CD86: variants seen among roughly 807,000 people sequenced by gnomAD.
The protein encoded by CD86 is CD86 molecule.
CD86 carries 11 observed loss-of-function variants against 32.1 expected under a neutral mutation model. The observed-to-expected ratio is 0.34, with a 90% CI of 0.22 to 0.57. The LOEUF is 0.57. CD86 is among the 20% of genes least tolerant of loss of function. CD86 has a pLI of 0.86. For synonymous variants in CD86, 137 were observed against 135.3 expected (o/e 1.01, Z -0.09); for missense variants, 359 against 398.4 (o/e 0.90, Z 0.84).
At position 122,075,740 on chromosome 3, in the gene CD86, A is replaced by G. The variant is rs561640496; in HGVS notation, c.15-15861A>G. On this transcript the variant is annotated intron_variant, in intron 1 of 6. Coordinates refer to ENST00000330540, the MANE Select transcript of CD86 (RefSeq NM_175862.5). The stretch of plus-strand genomic sequence containing the variant: ...CCTCATTTCTGCTGCCTGCCTCACC[A>G]TTCATCTCTCTTTACTCCTTTTAAT... 3.3e-5 allele frequency among the ~76,000 whole-genome samples: 5 copies of G among 152,278 alleles called. No homozygotes were observed. In the East Asian group the frequency reaches 7.7e-4, roughly 23 times the overall value.
intron 1 of CD86, among the ~76,000 whole-genome samples, chr3:122,085,228 G>C (rs539828954): frequency 6.6e-6 from 1 of 152,152 alleles, no homozygotes; most frequent in Non-Finnish European, 1.5e-5. Flanking sequence ...TTGCTGTCAC[G>C]TATATCATAA....
At chr3:122,116,186 T>C (rs1233658653) in intron 5 of CD86, among the ~76,000 whole-genome samples, 1 of 152,234 alleles carries the variant, frequency 6.6e-6, no homozygotes, top group Non-Finnish European at 1.5e-5. Flanking sequence ...TCTTTGACTT[T>C]GTTTAAAAAA....
At chr3:122,059,166 G>A (rs1385369090) in intron 1 of CD86, among the ~76,000 whole-genome samples, 2 of 152,154 alleles carry the variant, frequency 1.3e-5, no homozygotes, top group African/African-American at 4.8e-5. Context: ...TCAAAAAAGA[G>A]GGATGGCCTG....
intron 1 of CD86, among the ~76,000 whole-genome samples, chr3:122,077,161 A>G (rs2072566690): frequency 6.6e-6 from 1 of 152,188 alleles, no homozygotes; most frequent in Non-Finnish European, 1.5e-5. Context: ...CACTGAGCAG[A>G]GGACTTTGCA....
chr3:122,080,089 C>T (rs1032904562), intron 1 of CD86, among the ~76,000 whole-genome samples: 2 of 152,020 alleles, frequency 1.3e-5, no homozygotes, highest in African/African-American at 4.8e-5. Context: ...AGTTGTGGCC[C>T]TGAAATGTTG....
At chr3:122,118,583 AC>A (rs149494924) in intron 6 of CD86, among the ~76,000 whole-genome samples, 1,630 of 151,998 alleles carry the variant, frequency 0.011, 11 homozygotes, top group Non-Finnish European at 0.016. Flanking sequence ...TTTCTTAAAA[AC>A]CCTTTCCCAA....
intron 5 of CD86, among the ~76,000 whole-genome samples, chr3:122,109,685 C>A (rs1386373541): frequency 6.6e-6 from 1 of 152,146 alleles, no homozygotes; most frequent in African/African-American, 2.4e-5. Flanking sequence ...CTTTATCTAC[C>A]TCACTTCATG....
At chr3:122,082,924 G>A (rs535561143) in intron 1 of CD86, among the ~76,000 whole-genome samples, 3 of 152,260 alleles carry the variant, frequency 2.0e-5, no homozygotes, top group Non-Finnish European at 4.4e-5. Context: ...CATCCACTGT[G>A]GGATCAGTCT....
chr3:122,106,023 T>A (rs1220004526), intron 3 of CD86, among the ~76,000 whole-genome samples, 175 bp from the exon 4 acceptor site: 1 of 152,032 alleles, frequency 6.6e-6, no homozygotes, highest in Admixed American at 6.6e-5. Flanking sequence ...TGTTGAAAAA[T>A]AAACATGAAG....
chr3:122,097,493 G>C (rs1175807344), intron 2 of CD86, among the ~76,000 whole-genome samples: 1 of 152,218 alleles, frequency 6.6e-6, no homozygotes, highest in Non-Finnish European at 1.5e-5. Flanking sequence ...AGGAAGGGCA[G>C]ACTCTGCCTG....
intron 1 of CD86, among the ~76,000 whole-genome samples, chr3:122,079,793 G>A (rs555015844): frequency 6.6e-6 from 1 of 152,262 alleles, no homozygotes; most frequent in South Asian, 2.1e-4. Context: ...TCCCCATCAC[G>A]GCCCTGAGAC....
At chr3:122,072,569 A>G (rs2107508620) in intron 1 of CD86, among the ~76,000 whole-genome samples, 1 of 151,972 alleles carries the variant, frequency 6.6e-6, no homozygotes, top group East Asian at 1.9e-4. Flanking sequence ...CCACTTTTTG[A>G]TGGGGTTGTT....
chr3:122,099,919 A>T (rs2107534210), intron 2 of CD86, among the ~76,000 whole-genome samples: 1 of 152,298 alleles, frequency 6.6e-6, no homozygotes, highest in South Asian at 2.1e-4. Flanking sequence ...GATAAAGCTG[A>T]GGTCTTGATT....
rs774402174 is a variant in CD86 at position 122,055,411 on chromosome 3, T to C, written c.-79T>C. ...CAGGGTGAAAGCTTTGCTTCTCTGCTGCTGTAACAGGGACTAGCACAGACA... is the reference window on the plus strand; with the variant it reads ...CAGGGTGAAAGCTTTGCTTCTCTGCCGCTGTAACAGGGACTAGCACAGACA... On this transcript the variant is annotated 5_prime_UTR_variant, in exon 1 of 7. Transcript: ENST00000330540. 5.7e-6 allele frequency: 8 copies of C among 1,403,380 alleles called. No individual in the cohort carries two copies. The highest frequency in any genetic ancestry group is 7.1e-6 in the Non-Finnish European group (7 of 988,806). 86.9% of individuals were successfully genotyped at this position (1,403,380 alleles called of 1,614,324 possible). A position where few individuals can be genotyped will look rare whatever the true frequency, so the allele number is the denominator to read the frequency against.
intron 1 of CD86, among the ~76,000 whole-genome samples, chr3:122,089,858 G>A (rs2072784603): frequency 6.6e-6 from 1 of 152,148 alleles, no homozygotes; most frequent in Non-Finnish European, 1.5e-5. Flanking sequence ...GCAACTTTTA[G>A]CATGAGGATA....
intron 1 of CD86, among the ~76,000 whole-genome samples, chr3:122,086,419 C>A (rs2072721176): frequency 6.6e-6 from 1 of 152,210 alleles, no homozygotes; most frequent in Non-Finnish European, 1.5e-5. Flanking sequence ...CATTCCACCT[C>A]CCTCATCCTG....
chr3:122,088,241 G>C (rs1169521149), intron 1 of CD86, among the ~76,000 whole-genome samples: 1 of 129,260 alleles, frequency 7.7e-6, no homozygotes, highest in South Asian at 2.4e-4. Flanking sequence ...TGTTCTCACT[G>C]TCATTTTATA....
At chr3:122,087,001 C>T (rs761797677) in intron 1 of CD86, among the ~76,000 whole-genome samples, 8 of 152,172 alleles carry the variant, frequency 5.3e-5, no homozygotes, top group Non-Finnish European at 8.8e-5. Context: ...AGTACTGTGA[C>T]CTCTCTGAGA....
At chr3:122,075,473 A>G (rs1010620937) in intron 1 of CD86, among the ~76,000 whole-genome samples, 3 of 152,222 alleles carry the variant, frequency 2.0e-5, no homozygotes, top group Non-Finnish European at 4.4e-5. Flanking sequence ...GGATTGGAGG[A>G]GTGAGTGGCA....
Sources: gnomAD v4.1 joint callset for allele counts (sites outside exome capture counted in the v4.1 genomes callset) on GRCh38, gnomAD v4.1.1 for gene constraint, MANE v1.5 for transcripts, NCBI Gene and HGNC (gene_info 2026-07-23, HGNC 2026-07-21) for gene names.